Variants in PACSIN1 observed in about 807,000 individuals in gnomAD.
PACSIN1 encodes the protein protein kinase C and casein kinase substrate in neurons protein 1.
In PACSIN1, 15 loss-of-function variants were observed where a neutral mutation model predicts 59.5. The ratio of observed to expected loss-of-function variants is 0.25; its 90% CI spans 0.17 to 0.39. The LOEUF (loss-of-function observed/expected upper bound fraction) is 0.39. PACSIN1 is among the 10% of genes least tolerant of loss of function. The pLI is 1.00. For missense variants in PACSIN1, 420 were observed against 580.2 expected (o/e 0.72, Z 2.84); for synonymous variants, 210 against 220.6 (o/e 0.95, Z 0.42).
chr6:34,487,511 A>AAGGTTTGGATGCAGG (rs1033086711), intron 1 of PACSIN1, among the ~76,000 whole-genome samples: 20 of 152,186 alleles, frequency 1.3e-4, no homozygotes, highest in East Asian at 7.7e-4. Context: ...CTCTGAGCTG[A>AAGGTTTGGATGCAGG]AGGTTTGGAT....
At chr6:34,466,369 C>T (rs1309629881) in intron 1 of PACSIN1, 99 bp downstream of exon 1, 1 of 152,500 alleles carries the variant, frequency 6.6e-6, no homozygotes, top group African/African-American at 2.4e-5. Context: ...ACTGACATCT[C>T]CCTGGGCCAG....
At chr6:34,493,548 T>G (rs1395679276) in intron 1 of PACSIN1, among the ~76,000 whole-genome samples, 4 of 152,220 alleles carry the variant, frequency 2.6e-5, no homozygotes, top group Non-Finnish European at 5.9e-5. Context: ...GAGTTGTGAT[T>G]ACTCTGCATC....
intron 1 of PACSIN1, among the ~76,000 whole-genome samples, chr6:34,470,321 C>T (rs1766553523): frequency 6.6e-6 from 1 of 151,604 alleles, no homozygotes; most frequent in Admixed American, 6.6e-5. Context: ...GCTGGGATTA[C>T]AGGCGCCCAC....
In PACSIN1 at chr6:34,531,911, C is replaced by T. The variant is rs11757969; in HGVS notation, c.1225+124C>T. 7.9e-5 allele frequency: 70 copies of T among 887,612 alleles called. No homozygotes were observed. The East Asian group carries it at 1.7e-3, about 21-fold the overall frequency. 55.0% of individuals were successfully genotyped at this position (887,612 alleles called of 1,614,324 possible). On this transcript the variant is annotated intron_variant, in intron 9 of 9. Transcript: ENST00000244458. This position sits in a 1 kb window ranked among gnomAD's most constrained non-coding sequence, Gnocchi z 4.4. Reference sequence around the variant, plus strand: ...GATTGGGTGTGTGGTGGTGCAGGGGCGGTGCCTGAGAGAGAAGCTTGGGTC... The same window carrying T: ...GATTGGGTGTGTGGTGGTGCAGGGGTGGTGCCTGAGAGAGAAGCTTGGGTC...
intron 1 of PACSIN1, among the ~76,000 whole-genome samples, chr6:34,478,357 C>CAACTAAAGTTTGTT: frequency 7.0e-6 from 1 of 141,876 alleles, no homozygotes; most frequent in African/African-American, 2.6e-5. Flanking sequence ...CCACGCCGAG[C>CAACTAAAGTTTGTT]CTATTTATCT....
chr6:34,527,177 G>T (rs1767501900), intron 2 of PACSIN1, among the ~76,000 whole-genome samples, 155 bp from the exon 3 acceptor site: 1 of 137,790 alleles, frequency 7.3e-6, no homozygotes, highest in Admixed American at 7.2e-5. Flanking sequence ...TTGCCGCTGC[G>T]CCGCGGGGCG....
chr6:34,483,615 C>T (rs1471552139), intron 1 of PACSIN1, among the ~76,000 whole-genome samples: 1 of 150,002 alleles, frequency 6.7e-6, no homozygotes, highest in African/African-American at 2.5e-5. Flanking sequence ...CTCTTAGCCA[C>T]AGTCTCTCTC....
chr6:34,466,794 G>A (rs1244548956), intron 1 of PACSIN1, among the ~76,000 whole-genome samples: 1 of 152,188 alleles, frequency 6.6e-6, no homozygotes, highest in East Asian at 1.9e-4. Flanking sequence ...GCAAGAAGGA[G>A]GCGATAATGC....
At chr6:34,483,529 C>A (rs990610452) in intron 1 of PACSIN1, among the ~76,000 whole-genome samples, 1 of 152,146 alleles carries the variant, frequency 6.6e-6, no homozygotes, top group African/African-American at 2.4e-5. Flanking sequence ...GGTCCTCACC[C>A]CAGCTGGGCA....
At chr6:34,511,166 T>C (rs2127263786) in intron 1 of PACSIN1, among the ~76,000 whole-genome samples, 1 of 152,350 alleles carries the variant, frequency 6.6e-6, no homozygotes, top group South Asian at 2.1e-4. Flanking sequence ...AGTCAAGAAA[T>C]GCTTGTTAAA....
intron 1 of PACSIN1, among the ~76,000 whole-genome samples, chr6:34,492,019 T>C (rs978515993): frequency 2.6e-5 from 4 of 152,176 alleles, no homozygotes; most frequent in African/African-American, 9.7e-5. Context: ...GATGTGTTTT[T>C]CTCCGGGTAT....
At chr6:34,482,909 A>G (rs1766740371) in intron 1 of PACSIN1, among the ~76,000 whole-genome samples, 1 of 147,378 alleles carries the variant, frequency 6.8e-6, no homozygotes, top group Non-Finnish European at 1.5e-5. Context: ...CTGGTCTTGA[A>G]CTCCTGACCT....
rs912169320 is a variant in PACSIN1, at chr6:34,488,936, T to A, written c.-64+22666T>A. Among the ~76,000 whole-genome samples the A allele has an allele frequency of 8.5e-5, 13 of 152,088 alleles. No individual in the cohort carries two copies. Among genetic ancestry groups the A allele is most frequent in the Non-Finnish European group, 1.5e-5 (1 of 68,008 alleles). ...TGGCTCACACCCGTAATCCTAATACTTTGGGAGGCCGAGGCAGGTGGATCA... is the reference window on the plus strand; with the variant it reads ...TGGCTCACACCCGTAATCCTAATACATTGGGAGGCCGAGGCAGGTGGATCA... On this transcript the variant is annotated intron_variant, in intron 1 of 9. Transcript: ENST00000244458. The surrounding 1 kb of genome is among the most constrained non-coding windows in gnomAD (Gnocchi z 4.7).
chr6:34,517,744 G>C (rs1451972750), intron 1 of PACSIN1, among the ~76,000 whole-genome samples: 1 of 151,974 alleles, frequency 6.6e-6, no homozygotes, highest in African/African-American at 2.4e-5. Flanking sequence ...TTCCCTCCCT[G>C]TCCCCTCCCC....
intron 1 of PACSIN1, among the ~76,000 whole-genome samples, chr6:34,479,828 A>T (rs1211772714): frequency 2.0e-5 from 3 of 150,990 alleles, no homozygotes; most frequent in African/African-American, 7.3e-5. Context: ...TAATTTTATT[A>T]TTATTATTAC....
Position 34,531,460 on chromosome 6 carries a change from A to T in PACSIN1, c.1038-140A>T, listed in dbSNP as rs186152302. On this transcript the variant is annotated intron_variant, in intron 8 of 9. Transcript: ENST00000244458. The surrounding 1 kb of genome is among the most constrained non-coding windows in gnomAD (Gnocchi z 4.4). ...TAAACATCGGTTTAAAGAGCTCATG[A>T]GGGTCACCCCTCCTATGTGGCCAAT... 1,115 of 775,620 alleles carry T rather than the reference A, an allele frequency of 1.4e-3. 15 individuals carry two copies. Among genetic ancestry groups the T allele is most frequent in the Middle Eastern group, 0.013 (43 of 3,298 alleles). The allele number at this position is 775,620 out of a possible 1,614,324, so 48.0% of individuals were successfully genotyped here. A position where few individuals can be genotyped will look rare whatever the true frequency, so the allele number is the denominator to read the frequency against.
intron 1 of PACSIN1, among the ~76,000 whole-genome samples, chr6:34,504,533 C>T (rs993740496): frequency 1.3e-5 from 2 of 152,106 alleles, no homozygotes; most frequent in Non-Finnish European, 1.5e-5. Flanking sequence ...TCAAGTGATC[C>T]ACCTGCCTCG....
chr6:34,498,413 A>T (rs1410360674), intron 1 of PACSIN1, among the ~76,000 whole-genome samples: 1 of 152,024 alleles, frequency 6.6e-6, no homozygotes, highest in Non-Finnish European at 1.5e-5. Flanking sequence ...GAGTTGTAGA[A>T]GTTCTGTATA....
chr6:34,470,244 G>A lies in PACSIN1; in HGVS notation c.-64+3974G>A, dbSNP rs553245876. On this transcript the variant is annotated intron_variant, in intron 1 of 9. Transcript: ENST00000244458. ...GTTACCCAGGCTGGAGTGCAGTGGC[G>A]CGATCTTGGCTCATTGCAACCTCCA... Among the ~76,000 whole-genome samples the A allele has an allele frequency of 2.8e-3, 428 of 151,560 alleles. 4 individuals carry two copies. Among genetic ancestry groups the A allele is most frequent in the African/African-American group, 9.8e-3 (405 of 41,274 alleles).
Sources: allele counts gnomAD v4.1 joint callset (sites outside exome capture counted in the v4.1 genomes callset), GRCh38; gene constraint gnomAD v4.1.1; non-coding constraint Gnocchi (gnomAD v3.1); transcripts MANE v1.5; gene names NCBI Gene and HGNC (gene_info 2026-07-23, HGNC 2026-07-21).